Variants in GARIN5A observed in about 807,000 individuals in gnomAD.
GARIN5A encodes the protein golgi associated RAB2 interactor 5A.
the GARIN5A span, among the ~76,000 whole-genome samples, chr19:50,473,420 G>A: frequency 6.6e-6 from 1 of 151,964 alleles, no homozygotes; most frequent in Admixed American, 6.6e-5. Flanking sequence ...GCAGTGGTGT[G>A]ATCACAGTTC....
the GARIN5A span, chr19:50,476,559 C>G: frequency 1.3e-6 from 2 of 1,574,488 alleles, no homozygotes; most frequent in Admixed American, 1.8e-5. Flanking sequence ...CGGCAGCCAG[C>G]GCTGGGGCAA....
At chr19:50,469,396 C>T in the GARIN5A span, among the ~76,000 whole-genome samples, 7 of 152,182 alleles carry the variant, frequency 4.6e-5, no homozygotes, top group East Asian at 1.9e-4. Flanking sequence ...TCCGGTCTGA[C>T]GGAGCCCCAC....
At chr19:50,469,809 A>G in the GARIN5A span, among the ~76,000 whole-genome samples, 1 of 152,152 alleles carries the variant, frequency 6.6e-6, no homozygotes, top group Non-Finnish European at 1.5e-5. Flanking sequence ...ACCTGTGCAC[A>G]GACACATATG....
At chr19:50,476,507 G>C in the GARIN5A span, 2 of 1,570,848 alleles carry the variant, frequency 1.3e-6, no homozygotes, top group Non-Finnish European at 1.7e-6. Context: ...GCGGCTCTTG[G>C]CTCACAGCCG....
At chr19:50,467,710 C>T in the GARIN5A span, 846 of 1,598,020 alleles carry the variant, frequency 5.3e-4, no homozygotes, top group Admixed American at 8.0e-4. Context: ...CTCTCGGTCT[C>T]GGGTCTTGAG....
At chr19:50,475,750 T>C in the GARIN5A span, 1 of 999,984 alleles carries the variant, frequency 1.0e-6, no homozygotes, top group South Asian at 1.3e-5. Flanking sequence ...ATGGACGTTA[T>C]GGGGGAGCAG....
At chr19:50,467,911 C>A in the GARIN5A span, 9 of 1,207,818 alleles carry the variant, frequency 7.5e-6, no homozygotes, top group African/African-American at 1.5e-5. Context: ...CCCCACCTTG[C>A]CACCCCTCCC....
chr19:50,475,838 C>T, the GARIN5A span: 1 of 1,612,188 alleles, frequency 6.2e-7, no homozygotes, highest in African/African-American at 1.3e-5. Context: ...CCTACCTGTA[C>T]GAAGTTGCTC....
chr19:50,470,657 GTT>G, the GARIN5A span, among the ~76,000 whole-genome samples: 1 of 133,970 alleles, frequency 7.5e-6, no homozygotes, highest in Non-Finnish European at 1.6e-5. Flanking sequence ...GGCTACTGCT[GTT>G]TTTTTTTTTT....
chr19:50,475,547 T>A, the GARIN5A span: 3 of 1,249,730 alleles, frequency 2.4e-6, no homozygotes, highest in Non-Finnish European at 3.3e-6. Context: ...GGGGAAAAGG[T>A]CATGAACCAG....
the GARIN5A span, chr19:50,467,648 C>T: frequency 1.8e-5 from 28 of 1,573,850 alleles, no homozygotes; most frequent in Non-Finnish European, 2.4e-5. Context: ...AAGGGCACAG[C>T]AGAAGCAGAG....
At chr19:50,472,023 T>G in the GARIN5A span, among the ~76,000 whole-genome samples, 1 of 144,394 alleles carries the variant, frequency 6.9e-6, no homozygotes, top group African/African-American at 2.9e-5. Context: ...CGTGTGTATA[T>G]GTATATGTAC....
chr19:50,474,885 T>G, the GARIN5A span, among the ~76,000 whole-genome samples: 2 of 152,154 alleles, frequency 1.3e-5, no homozygotes, highest in South Asian at 4.1e-4. Context: ...CATGACAAGC[T>G]TGGCATTCCA....
chr19:50,472,257 ATG>A, the GARIN5A span, among the ~76,000 whole-genome samples: 27,209 of 114,818 alleles, frequency 0.24, 3,466 homozygotes, highest in East Asian at 0.46. Flanking sequence ...ATATACATGT[ATG>A]TGTGTATATA....
the GARIN5A span, chr19:50,476,211 C>T: frequency 5.0e-6 from 8 of 1,613,604 alleles, no homozygotes; most frequent in East Asian, 2.2e-5. Flanking sequence ...GCAATGTCCC[C>T]GTCCGACGGG....
the GARIN5A span, chr19:50,476,053 C>G: frequency 2.5e-6 from 4 of 1,606,222 alleles, no homozygotes; most frequent in East Asian, 2.2e-5. Flanking sequence ...GTATCAGATG[C>G]CCCCGAATTG....
the GARIN5A span, chr19:50,476,388 T>C: frequency 6.4e-7 from 1 of 1,555,652 alleles, no homozygotes; most frequent in Admixed American, 1.9e-5. Context: ...GGCGGCCCCA[T>C]CCTGCTGACG....
chr19:50,469,736 G>A, the GARIN5A span, among the ~76,000 whole-genome samples: 3 of 152,110 alleles, frequency 2.0e-5, no homozygotes, highest in Non-Finnish European at 4.4e-5. Context: ...ACACTGAGTA[G>A]CCAGGTGGCC....
At chr19:50,476,054 C>T in the GARIN5A span, 10 of 1,606,900 alleles carry the variant, frequency 6.2e-6, no homozygotes, top group South Asian at 1.1e-5. Flanking sequence ...TATCAGATGC[C>T]CCCGAATTGC....
Sources: allele counts gnomAD v4.1 joint callset (sites outside exome capture counted in the v4.1 genomes callset), GRCh38; gene constraint gnomAD v4.1.1; transcripts MANE v1.5; gene names NCBI Gene and HGNC (gene_info 2026-07-23, HGNC 2026-07-21).